The following TMEM117 variants were observed in gnomAD, a reference collection of about 807,000 sequenced individuals.
TMEM117 encodes the protein transmembrane protein 117.
TMEM117 carries 27 observed loss-of-function variants against 52.4 expected under a neutral mutation model. That is an observed-to-expected ratio of 0.51 (90% CI 0.38 to 0.71). TMEM117 has a LOEUF of 0.71. Among genes scored for constraint, TMEM117 ranks in the 30% least tolerant of loss-of-function variants. The probability of loss-of-function intolerance (pLI) is 0.00; values close to 1 mark genes in which losing one functional copy is unlikely to be tolerated. For missense variants in TMEM117, 556 were observed against 630.5 expected (o/e 0.88, Z 1.26); for synonymous variants, 215 against 206.3 (o/e 1.04, Z -0.36).
chr12:43,835,278 A>G (rs2137330419), upstream of TMEM117, among the ~76,000 whole-genome samples: 1 of 152,326 alleles, frequency 6.6e-6, no homozygotes, highest in East Asian at 1.9e-4. Context: ...CCTATGCCGC[A>G]GAGGTATCAT....
intron 3 of TMEM117, among the ~76,000 whole-genome samples, chr12:44,013,165 T>A (rs1378646506): frequency 6.6e-6 from 1 of 151,926 alleles, no homozygotes; most frequent in East Asian, 1.9e-4. Flanking sequence ...AGTAGCTGGG[T>A]CTACAGGCTC....
At chr12:44,213,205 C>T (rs1949669993) in intron 5 of TMEM117, among the ~76,000 whole-genome samples, 1 of 152,152 alleles carries the variant, frequency 6.6e-6, no homozygotes, top group Admixed American at 6.5e-5. Context: ...TTAATCATGA[C>T]AATCCCATAA....
At chr12:43,938,722 G>A (rs1019084999) in intron 2 of TMEM117, among the ~76,000 whole-genome samples, 9 of 152,104 alleles carry the variant, frequency 5.9e-5, no homozygotes, top group South Asian at 4.2e-4. Context: ...GAGAAGGGCC[G>A]GGCATGGTGG....
At chr12:44,167,339 A>C (rs915602989) in intron 4 of TMEM117, among the ~76,000 whole-genome samples, 3 of 152,136 alleles carry the variant, frequency 2.0e-5, no homozygotes, top group African/African-American at 7.2e-5. Flanking sequence ...CTTTTGCCCC[A>C]AGTTGAATAC....
In TMEM117 at chr12:44,084,859, G is replaced by A. The variant is rs566943325; in HGVS notation, c.411-58666G>A. The stretch of plus-strand genomic sequence containing the variant: ...ATCAGACCAGTGCTCCCCAGGTGAT[G>A]TGAAAGTTTATCTGAAATCCAGTTT... On this transcript the variant is annotated intron_variant, in intron 3 of 7. Coordinates refer to ENST00000266534, the MANE Select transcript of TMEM117 (RefSeq NM_032256.3). 2.0e-5 allele frequency among the ~76,000 whole-genome samples: 3 copies of A among 152,306 alleles called. No homozygotes were observed. The South Asian group carries it at 6.2e-4, about 32-fold the overall frequency.
At chr12:44,168,122 T>G (rs565718053) in intron 4 of TMEM117, among the ~76,000 whole-genome samples, 55 of 151,744 alleles carry the variant, frequency 3.6e-4, no homozygotes, top group African/African-American at 1.3e-3. Flanking sequence ...GGTGTGGTGG[T>G]GCGTGCCTGT....
chr12:44,058,618 C>T (rs752685575), intron 3 of TMEM117, among the ~76,000 whole-genome samples: 2 of 152,164 alleles, frequency 1.3e-5, no homozygotes, highest in African/African-American at 2.4e-5. Context: ...TACAGACATA[C>T]TCATTCTTAA....
At chr12:44,303,450 A>G (rs1950867342) in intron 6 of TMEM117, among the ~76,000 whole-genome samples, 1 of 152,138 alleles carries the variant, frequency 6.6e-6, no homozygotes, top group Non-Finnish European at 1.5e-5. Flanking sequence ...AGTTCTGAAT[A>G]CTTTTAGAGA....
At chr12:44,189,509 T>G in intron 4 of TMEM117, among the ~76,000 whole-genome samples, 1 of 152,170 alleles carries the variant, frequency 6.6e-6, no homozygotes, top group East Asian at 1.9e-4. Context: ...TTATCATGAG[T>G]ATGAATTTTA....
intron 4 of TMEM117, among the ~76,000 whole-genome samples, chr12:44,205,919 G>A (rs980356491): frequency 8.5e-5 from 13 of 152,080 alleles, no homozygotes; most frequent in African/African-American, 2.7e-4. Context: ...GGCATATGCC[G>A]AGACCAGCTC....
At chr12:44,299,807 T>G in intron 6 of TMEM117, 68 bp downstream of exon 6, 1 of 1,556,336 alleles carries the variant, frequency 6.4e-7, no homozygotes, top group South Asian at 1.2e-5. Flanking sequence ...AAACAGGATA[T>G]GGCAACAGGC....
In TMEM117 at chr12:43,849,785, T is replaced by C. The variant is rs569170697; in HGVS notation, c.277+4857T>C. 1.3e-3 allele frequency among the ~76,000 whole-genome samples: 192 copies of C among 152,316 alleles called. 1 individual carries two copies. The highest frequency in any genetic ancestry group is 2.4e-3 in the Non-Finnish European group (165 of 68,026). ...ACCTTCTGTAAATCTTGGTGAGGAC[T>C]CTTGATTTAATTTCCTGATGAACTC... On this transcript the variant is annotated intron_variant, in intron 2 of 7. Coordinates refer to ENST00000266534, the MANE Select transcript of TMEM117 (RefSeq NM_032256.3).
intron 2 of TMEM117, among the ~76,000 whole-genome samples, chr12:43,901,319 T>C (rs1036567788): frequency 1.3e-4 from 20 of 152,152 alleles, no homozygotes; most frequent in African/African-American, 4.8e-4. Flanking sequence ...TTTTGGTTTT[T>C]TTTGTTTTTG....
intron 3 of TMEM117, among the ~76,000 whole-genome samples, chr12:44,044,994 C>T (rs1592469142): frequency 1.3e-5 from 2 of 152,318 alleles, no homozygotes; most frequent in South Asian, 4.1e-4. Context: ...GGATGGAACT[C>T]TCTGAGTGGT....
At chr12:44,209,932 T>C (rs1949622505) in intron 4 of TMEM117, among the ~76,000 whole-genome samples, 2 of 152,080 alleles carry the variant, frequency 1.3e-5, no homozygotes, top group Non-Finnish European at 2.9e-5. Context: ...AGTCCGGTAT[T>C]ATTGAAGGGG....
chr12:44,334,222 C>T (rs1328697217), intron 6 of TMEM117, among the ~76,000 whole-genome samples: 1 of 151,962 alleles, frequency 6.6e-6, no homozygotes, highest in Non-Finnish European at 1.5e-5. Context: ...ACTGTCAAGA[C>T]AAGTAATTAT....
At chr12:44,256,689 G>A (rs1425469127) in intron 5 of TMEM117, among the ~76,000 whole-genome samples, 1 of 152,058 alleles carries the variant, frequency 6.6e-6, no homozygotes, top group Non-Finnish European at 1.5e-5. Flanking sequence ...CAATTAAAAT[G>A]TATAAAATAA....
intron 2 of TMEM117, among the ~76,000 whole-genome samples, chr12:43,928,789 C>T (rs1275419298): frequency 6.9e-6 from 1 of 145,678 alleles, no homozygotes; most frequent in African/African-American, 2.5e-5. Context: ...GTTCCCCTTC[C>T]TGTGTCCATG....
intron 4 of TMEM117, among the ~76,000 whole-genome samples, chr12:44,173,838 T>C (rs963320631): frequency 7.2e-5 from 11 of 152,080 alleles, no homozygotes; most frequent in Non-Finnish European, 1.5e-4. Context: ...ACATATTTTC[T>C]TCTAGTTATT....
Sources: gnomAD v4.1 joint callset for allele counts (sites outside exome capture counted in the v4.1 genomes callset) on GRCh38, gnomAD v4.1.1 for gene constraint, MANE v1.5 for transcripts, NCBI Gene and HGNC (gene_info 2026-07-23, HGNC 2026-07-21) for gene names.